The following LRP1B variants were observed in gnomAD, a reference collection of about 807,000 sequenced individuals.
The protein encoded by LRP1B is LDL receptor related protein 1B, also known as low-density lipoprotein receptor-related protein 1B.
A neutral mutation model predicts 556.6 loss-of-function variants in LRP1B; 217 were observed. That is an observed-to-expected ratio of 0.39 (90% confidence interval 0.35 to 0.44). LRP1B has a LOEUF of 0.44. Among genes scored for constraint, LRP1B ranks in the 20% least tolerant of loss-of-function variants. The probability of loss-of-function intolerance (pLI) is 1.00; values close to 1 mark genes in which losing one functional copy is unlikely to be tolerated. For synonymous variants in LRP1B, 2,047 were observed against 1,865.8 expected (o/e 1.10, Z -2.50); for missense variants, 5,053 against 5,620.8 (o/e 0.90, Z 3.23).
At chr2:141,310,298 G>A (rs964671786) in intron 3 of LRP1B, among the ~76,000 whole-genome samples, 1 of 152,150 alleles carries the variant, frequency 6.6e-6, no homozygotes, top group Non-Finnish European at 1.5e-5. Context: ...CTTGGTTTAA[G>A]TAGAGTTTTA....
At chr2:141,121,217 G>A (rs897337366) in intron 7 of LRP1B, among the ~76,000 whole-genome samples, 2 of 152,038 alleles carry the variant, frequency 1.3e-5, no homozygotes, top group African/African-American at 4.8e-5. Flanking sequence ...TAATCCATGT[G>A]AGTGTTAAAC....
chr2:141,075,219 T>C (rs1699755545), intron 7 of LRP1B, among the ~76,000 whole-genome samples: 1 of 152,072 alleles, frequency 6.6e-6, no homozygotes, highest in Admixed American at 6.6e-5. Context: ...ATGTAGAAAG[T>C]AGAAATGGAA....
chr2:141,180,560 G>T (rs1004364626), intron 7 of LRP1B, among the ~76,000 whole-genome samples: 1 of 151,822 alleles, frequency 6.6e-6, no homozygotes, highest in African/African-American at 2.4e-5. Flanking sequence ...GCTTCCAAAA[G>T]TGCTGGAGAA....
At chr2:141,103,842 T>C (rs1161982636) in intron 7 of LRP1B, among the ~76,000 whole-genome samples, 1 of 151,698 alleles carries the variant, frequency 6.6e-6, no homozygotes, top group East Asian at 1.9e-4. Flanking sequence ...TGGTTTCTGG[T>C]GGTTTTGGTT....
intron 1 of LRP1B, among the ~76,000 whole-genome samples, chr2:142,059,095 TAC>T (rs1162817725): frequency 6.6e-6 from 1 of 152,092 alleles, no homozygotes; most frequent in Non-Finnish European, 1.5e-5. Flanking sequence ...GGGTTATTAA[TAC>T]TAGGATTCAC....
chr2:140,650,022 T>C (rs901073695), intron 41 of LRP1B, among the ~76,000 whole-genome samples: 1 of 152,170 alleles, frequency 6.6e-6, no homozygotes, highest in African/African-American at 2.4e-5. Context: ...TTCTCTATTT[T>C]GAGAAATATT....
intron 18 of LRP1B, among the ~76,000 whole-genome samples, chr2:140,953,692 A>G (rs551646021): frequency 6.6e-6 from 1 of 152,132 alleles, no homozygotes; most frequent in Non-Finnish European, 1.5e-5. Flanking sequence ...TTTGAGCACT[A>G]TTTTATTTTG....
chr2:140,744,052 GAGA>G (rs1417444082), intron 35 of LRP1B, among the ~76,000 whole-genome samples: 155 of 147,326 alleles, frequency 1.1e-3, no homozygotes, highest in Middle Eastern at 7.4e-3. Flanking sequence ...TGAGAGGAAT[GAGA>G]AGATGTTAAT....
chr2:141,261,436 G>A (rs1684680694), intron 3 of LRP1B, among the ~76,000 whole-genome samples: 1 of 152,038 alleles, frequency 6.6e-6, no homozygotes, highest in Admixed American at 6.6e-5. Flanking sequence ...AATGTGTATT[G>A]TTGTCTAACC....
chr2:140,342,669 G>A (rs563682412), intron 77 of LRP1B, among the ~76,000 whole-genome samples: 6 of 151,600 alleles, frequency 4.0e-5, no homozygotes, highest in East Asian at 3.9e-4. Flanking sequence ...CCATACTCAC[G>A]TATACGTTTT....
At chr2:141,530,208 A>G (rs1684823300) in intron 2 of LRP1B, among the ~76,000 whole-genome samples, 1 of 152,070 alleles carries the variant, frequency 6.6e-6, no homozygotes. Flanking sequence ...TGGTATAGGT[A>G]ATGCCTATAA....
intron 1 of LRP1B, among the ~76,000 whole-genome samples, chr2:141,866,060 A>G (rs1435726794): frequency 1.3e-5 from 2 of 152,232 alleles, no homozygotes; most frequent in African/African-American, 2.4e-5. Context: ...AGGGATGGAT[A>G]TGTAGGTGTG....
chr2:142,125,622 AACTGG>A (rs1178738709), intron 1 of LRP1B, among the ~76,000 whole-genome samples: 1 of 151,860 alleles, frequency 6.6e-6, no homozygotes, highest in African/African-American at 2.4e-5. Flanking sequence ...AAAATAAAAT[AACTGG>A]AGAATGTTCC....
intron 62 of LRP1B, among the ~76,000 whole-genome samples, chr2:140,452,274 A>T (rs1429708221): frequency 6.6e-6 from 1 of 152,140 alleles, no homozygotes. Flanking sequence ...TATTACCGTA[A>T]ACTAATTATT....
chr2:141,099,198 T>C (rs1460977794), intron 7 of LRP1B, among the ~76,000 whole-genome samples: 1 of 152,184 alleles, frequency 6.6e-6, no homozygotes, highest in Non-Finnish European at 1.5e-5. Flanking sequence ...TAATTGGCTT[T>C]CAGTAAATAT....
chr2:140,355,251 G>T (rs2105127170), intron 75 of LRP1B, among the ~76,000 whole-genome samples: 1 of 151,834 alleles, frequency 6.6e-6, no homozygotes, highest in East Asian at 1.9e-4. Flanking sequence ...AAATGTTATT[G>T]AAATTAAAAT....
At chr2:141,424,104 AGC>A (rs2104969978) in intron 3 of LRP1B, among the ~76,000 whole-genome samples, 1 of 143,644 alleles carries the variant, frequency 7.0e-6, no homozygotes, top group East Asian at 2.1e-4. Flanking sequence ...AACTATTACA[AGC>A]CTTCATCTTT....
At chr2:140,939,554 T>C (rs1212642452) in intron 20 of LRP1B, among the ~76,000 whole-genome samples, 3 of 148,730 alleles carry the variant, frequency 2.0e-5, no homozygotes, top group Non-Finnish European at 4.5e-5. Flanking sequence ...TGTAGGTCAA[T>C]ACATGCTTAC....
chr2:141,029,022 AG>A (rs1698293164), intron 11 of LRP1B, among the ~76,000 whole-genome samples: 1 of 152,130 alleles, frequency 6.6e-6, no homozygotes, highest in Non-Finnish European at 1.5e-5. Flanking sequence ...GGTGGTCTGC[AG>A]GCAAAGACGT....
Sources: gnomAD v4.1 joint callset for allele counts (sites outside exome capture counted in the v4.1 genomes callset) on GRCh38, gnomAD v4.1.1 for gene constraint, MANE v1.5 for transcripts, NCBI Gene and HGNC (gene_info 2026-07-23, HGNC 2026-07-21) for gene names.